SLC35F3: variants seen among roughly 807,000 people sequenced by gnomAD.
SLC35F3 encodes solute carrier family 35 member F3.
Under a neutral mutation model 49.9 loss-of-function variants are expected in SLC35F3, and 25 were observed. The ratio of observed to expected loss-of-function variants is 0.50; its 90% CI spans 0.37 to 0.70. The LOEUF is 0.70. SLC35F3 is among the 30% of genes least tolerant of loss of function. The pLI, the probability that SLC35F3 is intolerant of heterozygous loss-of-function variation, is 0.00. For synonymous variants in SLC35F3, 275 were observed against 265.4 expected (o/e 1.04, Z -0.35); for missense variants, 525 against 639.8 (o/e 0.82, Z 1.94).
intron 2 of SLC35F3, among the ~76,000 whole-genome samples, chr1:234,051,438 T>G (rs1415056657): frequency 6.6e-6 from 1 of 151,704 alleles, no homozygotes; most frequent in African/African-American, 2.4e-5. Context: ...TGGCTCTCTG[T>G]TTGTCTGTTA....
chr1:233,975,124 A>C (rs1663060574), intron 2 of SLC35F3, among the ~76,000 whole-genome samples: 1 of 150,420 alleles, frequency 6.6e-6, no homozygotes, highest in Admixed American at 6.7e-5. Context: ...AGAGTCAGGA[A>C]GTCAGGCCTG....
chr1:233,986,017 A>G (rs1349635878), intron 2 of SLC35F3, among the ~76,000 whole-genome samples: 2 of 152,352 alleles, frequency 1.3e-5, no homozygotes, highest in Admixed American at 1.3e-4. Flanking sequence ...ACCCTTGAGC[A>G]ACTTACTTAA....
chr1:234,196,269 T>A (rs935911455), intron 2 of SLC35F3, among the ~76,000 whole-genome samples: 2 of 152,238 alleles, frequency 1.3e-5, no homozygotes, highest in African/African-American at 4.8e-5. Flanking sequence ...TTCTGCGTAA[T>A]CTTCCCCTTA....
chr1:234,090,859 G>A (rs1268577678), intron 2 of SLC35F3, among the ~76,000 whole-genome samples: 1 of 152,154 alleles, frequency 6.6e-6, no homozygotes, highest in Non-Finnish European at 1.5e-5. Flanking sequence ...AGAAGCTAGT[G>A]GGAGTTTTAA....
At chr1:234,266,306 G>T (rs1031595857) in intron 3 of SLC35F3, among the ~76,000 whole-genome samples, 1 of 151,970 alleles carries the variant, frequency 6.6e-6, no homozygotes, top group Non-Finnish European at 1.5e-5. Flanking sequence ...AGACACAAAT[G>T]GCCAACAAAC....
intron 2 of SLC35F3, among the ~76,000 whole-genome samples, chr1:234,100,079 TAATC>T (rs1319498862): frequency 6.6e-6 from 1 of 152,240 alleles, no homozygotes; most frequent in Non-Finnish European, 1.5e-5. Flanking sequence ...TCTTAATTCT[TAATC>T]AAGTATATAT....
At chr1:234,170,501 GCAGACCC>G (rs993431948) in intron 2 of SLC35F3, among the ~76,000 whole-genome samples, 1 of 152,048 alleles carries the variant, frequency 6.6e-6, no homozygotes, top group African/African-American at 2.4e-5. Flanking sequence ...CTGCTGGCAG[GCAGACCC>G]CAGGGTGTAG....
chr1:234,218,811 G>T (rs1301511868), intron 2 of SLC35F3, among the ~76,000 whole-genome samples: 1 of 152,112 alleles, frequency 6.6e-6, no homozygotes, highest in Non-Finnish European at 1.5e-5. Context: ...AGCAGTTTGG[G>T]AGGCCGAGGT....
chr1:233,977,382 C>G (rs1391040931), intron 2 of SLC35F3, among the ~76,000 whole-genome samples: 2 of 152,164 alleles, frequency 1.3e-5, no homozygotes, highest in Non-Finnish European at 2.9e-5. Context: ...AGAAGGCAGG[C>G]CTTTGTAGTC....
intron 2 of SLC35F3, among the ~76,000 whole-genome samples, chr1:233,941,958 T>TG (rs1662430330): frequency 8.6e-6 from 1 of 116,846 alleles, no homozygotes; most frequent in African/African-American, 3.7e-5. Flanking sequence ...TTTTTTGTTT[T>TG]TTTGTTTTTT....
chr1:234,066,247 G>A (rs554354537), intron 2 of SLC35F3, among the ~76,000 whole-genome samples: 2 of 152,276 alleles, frequency 1.3e-5, no homozygotes, highest in African/African-American at 4.8e-5. Context: ...TGTCAGCACA[G>A]CAGCTGAAGT....
chr1:234,277,583 G>T (rs1196286683), intron 3 of SLC35F3, among the ~76,000 whole-genome samples: 3 of 152,180 alleles, frequency 2.0e-5, no homozygotes, highest in Admixed American at 1.3e-4. Flanking sequence ...GTGGGTTTGT[G>T]TTCTAGCCCA....
intron 2 of SLC35F3, among the ~76,000 whole-genome samples, chr1:234,175,877 G>T (rs571498998): frequency 9.9e-5 from 15 of 152,200 alleles, no homozygotes; most frequent in African/African-American, 3.6e-4. Flanking sequence ...TCCACCATCC[G>T]CACCCCTTGC....
intron 2 of SLC35F3, among the ~76,000 whole-genome samples, chr1:234,018,605 CAT>C (rs1303676979): frequency 1.3e-5 from 2 of 152,200 alleles, no homozygotes; most frequent in Non-Finnish European, 2.9e-5. Flanking sequence ...GGAAGACAAA[CAT>C]TTATATCACA....
chr1:234,308,763 C>T (rs1269185550), intron 3 of SLC35F3, among the ~76,000 whole-genome samples: 1 of 151,434 alleles, frequency 6.6e-6, no homozygotes, highest in Non-Finnish European at 1.5e-5. Context: ...CCTTCTCTTA[C>T]TCAGCAAGTG....
intron 2 of SLC35F3, among the ~76,000 whole-genome samples, chr1:234,051,742 T>G (rs1309338201): frequency 2.6e-5 from 4 of 152,118 alleles, no homozygotes; most frequent in Admixed American, 6.5e-5. Flanking sequence ...ATGCTTCCAG[T>G]TTTTGCCCAT....
At chr1:234,217,232 C>T (rs1012203045) in intron 2 of SLC35F3, among the ~76,000 whole-genome samples, 1 of 152,102 alleles carries the variant, frequency 6.6e-6, no homozygotes, top group Non-Finnish European at 1.5e-5. Context: ...ACATATAAAA[C>T]CAAAATAGAA....
At chr1:234,123,234 T>C (rs1665601988) in intron 2 of SLC35F3, among the ~76,000 whole-genome samples, 1 of 152,222 alleles carries the variant, frequency 6.6e-6, no homozygotes, top group African/African-American at 2.4e-5. Flanking sequence ...GATGAGCTTT[T>C]TTTCATGTTT....
At position 234,227,392 on chromosome 1, in the gene SLC35F3, CTTTTTTTTT is replaced by C. The variant is rs369277069; in HGVS notation, c.284-4009_284-4001del. 6.1e-3 allele frequency among the ~76,000 whole-genome samples: 663 copies of C among 108,728 alleles called. 6 individuals are homozygous for C. Among genetic ancestry groups the C allele is most frequent in the Admixed American group, 7.4e-3 (60 of 8,066 alleles). The allele number at this position is 108,728 out of a possible 152,430, so 71.3% of individuals were successfully genotyped here. A position where few individuals can be genotyped will look rare whatever the true frequency, so the allele number is the denominator to read the frequency against. On this transcript the variant is annotated intron_variant, in intron 2 of 7. Coordinates refer to ENST00000366618, the MANE Select transcript of SLC35F3 (RefSeq NM_173508.4). ...TCCTTGAGGCACTGCCTCTTTCTTTCTTTTTTTTTTTTTTTTTTTTTTTTGAGATGGAGT... is the reference window on the plus strand; with the variant it reads ...TCCTTGAGGCACTGCCTCTTTCTTTCTTTTTTTTTTTTTTTGAGATGGAGT...
Sources: gnomAD v4.1 joint callset for allele counts (sites outside exome capture counted in the v4.1 genomes callset) on GRCh38, gnomAD v4.1.1 for gene constraint, MANE v1.5 for transcripts, NCBI Gene and HGNC (gene_info 2026-07-23, HGNC 2026-07-21) for gene names.